SPAG9: variants seen among roughly 807,000 people sequenced by gnomAD.
SPAG9 encodes C-Jun-amino-terminal kinase-interacting protein 4.
A neutral mutation model predicts 166.5 loss-of-function variants in SPAG9; 35 were observed. That is an observed-to-expected ratio of 0.21 (90% CI 0.16 to 0.28). The LOEUF (loss-of-function observed/expected upper bound fraction) is 0.28. Among genes scored for constraint, SPAG9 ranks in the 10% least tolerant of loss-of-function variants. The pLI is 1.00. For missense variants in SPAG9, 1,235 were observed against 1,603.3 expected (o/e 0.77, Z 3.92); for synonymous variants, 534 against 565.5 (o/e 0.94, Z 0.79).
At position 50,989,699 on chromosome 17, in the gene SPAG9, G is replaced by A; in HGVS notation, c.2791C>T (p.Leu931Phe). ...DPLGVQIPED[L>F]SPVYQSSNDS... is the part of the protein sequence containing the mutation. ...TACCTCGACTGATACACTGGGGAGA[G>A]GTCTTCTGGGATCTGAACTCCCAAA... The change falls in exon 21 of 30, where the codon CTC becomes TTC. Residue 931 changes from leucine to phenylalanine, a missense_variant. Physicochemically the swap from Leu to Phe is conservative, Grantham distance 22 (BLOSUM62 0). Coordinates refer to ENST00000262013, the MANE Select transcript of SPAG9 (RefSeq NM_001130528.3). The A allele has an allele frequency of 6.2e-7, 1 of 1,614,094 alleles. No homozygotes were observed.
intron 1 of SPAG9, among the ~76,000 whole-genome samples, chr17:51,090,503 C>G (rs1255626218): frequency 5.3e-5 from 8 of 151,660 alleles, no homozygotes; most frequent in Non-Finnish European, 2.9e-5. Flanking sequence ...AAGACTCCAT[C>G]TCAAAAAAAA....
At chr17:51,056,506 G>A (rs909891772) in intron 2 of SPAG9, 24 bp from the exon 3 acceptor site, 1 of 1,436,862 alleles carries the variant, frequency 7.0e-7, no homozygotes, top group East Asian at 2.3e-5. Flanking sequence ...ACATACACTT[G>A]ATCAAAACAA....
chr17:51,012,099 T>C (rs2045509349), intron 9 of SPAG9, among the ~76,000 whole-genome samples: 1 of 152,196 alleles, frequency 6.6e-6, no homozygotes, highest in Non-Finnish European at 1.5e-5. Context: ...CTGGTGAATT[T>C]TACTGCACTG....
At position 51,010,341 on chromosome 17, in the gene SPAG9, T is replaced by C. The variant is rs190189760; in HGVS notation, c.1214-3015A>G. On this transcript the variant is annotated intron_variant, in intron 9 of 29. Transcript: ENST00000262013. ...CTATTTAGCAATCCCATTCACTCAG[T>C]TGCTATGTGCTAAATATGCAACAGT... 6.3e-3 allele frequency among the ~76,000 whole-genome samples: 964 copies of C among 152,234 alleles called. 13 individuals are homozygous for C. The highest frequency in any genetic ancestry group is 0.021 in the African/African-American group (879 of 41,564).
intron 3 of SPAG9, among the ~76,000 whole-genome samples, chr17:51,053,855 G>GTA (rs1161592026): frequency 0.036 from 1,345 of 37,616 alleles, 50 homozygotes; most frequent in East Asian, 0.061. Context: ...AAAAAAAAAA[G>GTA]TATATATATA....
At chr17:51,078,122 T>C (rs1388746625) in intron 2 of SPAG9, among the ~76,000 whole-genome samples, 3 of 152,140 alleles carry the variant, frequency 2.0e-5, no homozygotes, top group African/African-American at 4.8e-5. Context: ...GTAGAAATCA[T>C]AGAAGTCACT....
intron 2 of SPAG9, among the ~76,000 whole-genome samples, chr17:51,068,496 T>C (rs372956934): frequency 1.3e-5 from 2 of 152,154 alleles, no homozygotes; most frequent in East Asian, 3.8e-4. Flanking sequence ...ACTTAAGCCA[T>C]CCACAACAAA....
At position 51,120,535 on chromosome 17, in the gene SPAG9, C is replaced by T. The variant is rs779733843; in HGVS notation, c.122G>A (p.Arg41His). 7.4e-6 allele frequency: 12 copies of T among 1,613,960 alleles called. No individual in the cohort carries two copies. The highest frequency in any genetic ancestry group is 1.0e-5 in the Non-Finnish European group (12 of 1,179,900). ...CTCTTTGACCACCTCCTCGTCATAG[C>T]GCCCGATAAGCCGCTCGAACTCGCG... ...IYREFERLIGRYDEEVVKELM... is the reference protein window; with the variant it reads ...IYREFERLIGHYDEEVVKELM... Residue 41 changes from arginine to histidine, a missense_variant, in exon 1 of 30, where the codon CGC becomes CAC. Arg to His is a conservative substitution (Grantham distance 29). This residue lies in a region of SPAG9 where 83 missense variants were observed against 149.8 expected (regional missense o/e 0.55). Coordinates refer to ENST00000262013, the MANE Select transcript of SPAG9 (RefSeq NM_001130528.3). The surrounding 1 kb of genome is among the most constrained non-coding windows in gnomAD (Gnocchi z 4.7).
At chr17:51,110,404 A>C (rs1386369009) in intron 1 of SPAG9, among the ~76,000 whole-genome samples, 4 of 151,112 alleles carry the variant, frequency 2.6e-5, no homozygotes, top group Non-Finnish European at 3.0e-5. Flanking sequence ...AAAAAAAAAA[A>C]CCCTAGCTGG....
chr17:50,989,720 C>G lies in SPAG9; in HGVS notation c.2770G>C (p.Gly924Arg). The G allele has an allele frequency of 1.2e-6, 2 of 1,614,132 alleles. No individual in the cohort carries two copies. The highest frequency in any genetic ancestry group is 1.7e-6 in the Non-Finnish European group (2 of 1,180,030). ...YTEHVFTDPL[G>R]VQIPEDLSPV... The stretch of plus-strand genomic sequence containing the variant: ...GAGAGGTCTTCTGGGATCTGAACTC[C>G]CAAAGGATCTGTAAAGACATGCTCT... The change falls in exon 21 of 30, where the codon GGA becomes CGA. Residue 924 changes from glycine to arginine, a missense_variant. Coordinates refer to ENST00000262013, the MANE Select transcript of SPAG9 (RefSeq NM_001130528.3).
At chr17:51,006,273 T>C (rs375838774) in intron 10 of SPAG9, 36 bp from the exon 11 acceptor site, 140 of 1,593,934 alleles carry the variant, frequency 8.8e-5, no homozygotes, top group Non-Finnish European at 1.2e-4. Flanking sequence ...TCATTACAAA[T>C]AAATATTCTT....
chr17:51,118,119 G>C (rs1374677289), intron 1 of SPAG9, among the ~76,000 whole-genome samples: 1 of 150,540 alleles, frequency 6.6e-6, no homozygotes. Flanking sequence ...TGGCGACAGA[G>C]AGAGACTCTG....
rs57010523 is a variant in SPAG9, at chr17:51,093,694, CAAAAAAAAAAA to C, written c.304-14001_304-13991del. ...TGGGCGACAGAGCAAGACTCCGTCTCAAAAAAAAAAAAAAAAAAAAAGAAAATTATAACAGA... is the reference window on the plus strand; with the variant it reads ...TGGGCGACAGAGCAAGACTCCGTCTCAAAAAAAAAAGAAAATTATAACAGA... On this transcript the variant is annotated intron_variant, in intron 1 of 29. Transcript: ENST00000262013. 1.9e-3 allele frequency among the ~76,000 whole-genome samples: 138 copies of C among 72,556 alleles called. 1 individual carries two copies. In the South Asian group the frequency reaches 0.029, roughly 15 times the overall value. The allele number at this position is 72,556 out of a possible 152,430, so 47.6% of individuals were successfully genotyped here.
rs1300607204 is a variant in SPAG9, at chr17:51,007,832, C to T, written c.1214-506G>A. 5 of 453,048 alleles carry T rather than the reference C, an allele frequency of 1.1e-5. No individual in the cohort carries two copies. In the East Asian group the frequency reaches 3.5e-4, roughly 31 times the overall value. The allele number at this position is 453,048 out of a possible 1,614,324, so 28.1% of individuals were successfully genotyped here. ...GATAGAACCCCAAGGCAGATGAAAC[C>T]TTACCAAAGAAATTATGGTCTTAAA... On this transcript the variant is annotated intron_variant, in intron 9 of 29. Transcript: ENST00000262013.
chr17:51,068,133 TGG>T (rs1185546264), intron 2 of SPAG9, among the ~76,000 whole-genome samples: 1 of 152,230 alleles, frequency 6.6e-6, no homozygotes, highest in African/African-American at 2.4e-5. Context: ...CAACTGTTGC[TGG>T]GCCTCAGAAG....
At chr17:51,076,352 A>C (rs1338908009) in intron 2 of SPAG9, among the ~76,000 whole-genome samples, 1 of 151,962 alleles carries the variant, frequency 6.6e-6, no homozygotes. Context: ...GAGCCCAGGA[A>C]GCACAAGTCG....
intron 12 of SPAG9, 105 bp from the exon 13 acceptor site, chr17:51,001,950 T>G: frequency 1.0e-6 from 1 of 1,003,022 alleles, no homozygotes; most frequent in Non-Finnish European, 1.5e-6. Context: ...TTCCTTAATT[T>G]TTAATCTAGT....
chr17:51,109,081 C>T (rs1047072348), intron 1 of SPAG9, among the ~76,000 whole-genome samples: 1 of 151,602 alleles, frequency 6.6e-6, no homozygotes, highest in Non-Finnish European at 1.5e-5. Context: ...AGGCTGGTCT[C>T]GAACTCCTGA....
intron 2 of SPAG9, among the ~76,000 whole-genome samples, chr17:51,066,554 C>CAAAAAAAAA (rs1297678240): frequency 3.8e-4 from 8 of 21,304 alleles, no homozygotes; most frequent in African/African-American, 7.0e-4. Flanking sequence ...GACTCTGTCT[C>CAAAAAAAAA]AAAAAAAAAA....
Sources: allele counts gnomAD v4.1 joint callset (sites outside exome capture counted in the v4.1 genomes callset), GRCh38; gene constraint gnomAD v4.1.1; regional missense constraint gnomAD v4.1.1; non-coding constraint Gnocchi (gnomAD v3.1); transcripts MANE v1.5; gene names NCBI Gene and HGNC (gene_info 2026-07-23, HGNC 2026-07-21).